Variants in TRIO observed in about 807,000 individuals in gnomAD.
TRIO encodes the protein triple functional domain protein.
In TRIO, 58 loss-of-function variants were observed where a neutral mutation model predicts 351.9. The ratio of observed to expected loss-of-function variants is 0.16; its 90% CI spans 0.13 to 0.21. The LOEUF is 0.21. Among genes scored for constraint, TRIO ranks in the 10% least tolerant of loss-of-function variants. TRIO has a pLI of 1.00. For synonymous variants in TRIO, 1,758 were observed against 1,595.7 expected (o/e 1.10, Z -2.42); for missense variants, 3,201 against 4,027.8 (o/e 0.79, Z 5.56).
chr5:14,410,961 C>T (rs1749149148), intron 33 of TRIO, among the ~76,000 whole-genome samples: 2 of 152,206 alleles, frequency 1.3e-5, no homozygotes, highest in African/African-American at 4.8e-5. Context: ...CTCCATGGTA[C>T]TTAACCTGAC....
chr5:14,487,901 G>C lies in TRIO; in HGVS notation c.7273G>C (p.Ala2425Pro). The C allele has an allele frequency of 1.3e-6, 2 of 1,535,020 alleles. No homozygotes were observed. Among genetic ancestry groups the C allele is most frequent in the Non-Finnish European group, 8.8e-7 (1 of 1,141,886 alleles). ...LESPRKGAAN[A>P]SGSSPDAPAK... is the part of the protein sequence containing the mutation. ...GAGCCCCAGGAAAGGCGCCGCGAAC[G>C]CCTCGGGGTCGAGCCCAGACGCCCC... The change falls in exon 48 of 57, where the codon GCC (alanine) becomes CCC (proline). Residue 2425 changes from alanine (A) to proline (P), a missense_variant. Ala to Pro is a conservative substitution (Grantham distance 27). Around this residue, in one of 19 missense-constraint regions of TRIO, gnomAD observed 1,089 missense variants for 954.9 expected, o/e 1.14. Transcript: ENST00000344204.
In TRIO at chr5:14,508,092, C is replaced by T. The variant is rs55898643; in HGVS notation, c.8964C>T (p.Gly2988=). 2.2e-5 allele frequency: 35 copies of T among 1,614,210 alleles called. No individual in the cohort carries two copies. The South Asian group carries it at 2.3e-4, about 11-fold the overall frequency. ...TGCTCACATACGTACTTCTTAGTGG[C>T]GTGTCCCCCTTCCTGGATGACAGTG... ...VGVLTYVLLS[G]VSPFLDDSVE... Residue 2988 remains glycine, a synonymous_variant, in exon 57 of 57, where the codon GGC becomes GGT. Coordinates refer to ENST00000344204, the MANE Select transcript of TRIO (RefSeq NM_007118.4).
chr5:14,248,833 A>G (rs746908778), intron 1 of TRIO, among the ~76,000 whole-genome samples: 6 of 152,204 alleles, frequency 3.9e-5, no homozygotes, highest in Non-Finnish European at 8.8e-5. Context: ...TGATCCCCAT[A>G]TTATGGGCAA....
At position 14,394,174 on chromosome 5, in the gene TRIO, G is replaced by A. The variant is rs256412; in HGVS notation, c.4311+44G>A. 350,814 of 1,271,002 alleles carry A rather than the reference G, an allele frequency of 0.28. 51,249 individuals carry two copies. The highest frequency in any genetic ancestry group is 0.41 in the African/African-American group (27,493 of 66,296). 78.7% of individuals were successfully genotyped at this position (1,271,002 alleles called of 1,614,324 possible). On this transcript the variant is annotated intron_variant, in intron 28 of 56. Transcript: ENST00000344204. The stretch of plus-strand genomic sequence containing the variant: ...CAGCCTGTGAAATTTTATGAATTAT[G>A]TATTATTTTGACATTTACTATATAT...
At chr5:14,476,461 A>C (rs1755082069) in intron 40 of TRIO, among the ~76,000 whole-genome samples, 1 of 152,164 alleles carries the variant, frequency 6.6e-6, no homozygotes, top group Admixed American at 6.5e-5. Flanking sequence ...TATATACTTC[A>C]CACTTCACAG....
At chr5:14,355,010 A>G (rs1288854445) in intron 11 of TRIO, among the ~76,000 whole-genome samples, 1 of 152,164 alleles carries the variant, frequency 6.6e-6, no homozygotes, top group Non-Finnish European at 1.5e-5. Flanking sequence ...CCGCTTTTTC[A>G]TCAGCGTCCA....
chr5:14,147,722 G>A lies in TRIO; in HGVS notation c.157+3840G>A, dbSNP rs138321710. ...TATTTTGATATGACGGTTTCCTTGT[G>A]GAGTATTGAGAGAAGCTTTTCTTCA... On this transcript the variant is annotated intron_variant, in intron 1 of 56. Transcript: ENST00000344204. Among the ~76,000 whole-genome samples the A allele has an allele frequency of 9.7e-3, 1,484 of 152,278 alleles. 29 individuals are homozygous for A. Among genetic ancestry groups the A allele is most frequent in the African/African-American group, 0.034 (1,430 of 41,552 alleles).
In TRIO at chr5:14,508,544, A is replaced by G; in HGVS notation, c.*122A>G. The G allele has an allele frequency of 4.7e-6, 6 of 1,274,284 alleles. No homozygotes were observed. Among genetic ancestry groups the G allele is most frequent in the African/African-American group, 1.5e-5 (1 of 66,844 alleles). The allele number at this position is 1,274,284 out of a possible 1,614,324, so 78.9% of individuals were successfully genotyped here. A position where few individuals can be genotyped will look rare whatever the true frequency, so the allele number is the denominator to read the frequency against. On this transcript the variant is annotated 3_prime_UTR_variant, in exon 57 of 57. Coordinates refer to ENST00000344204, the MANE Select transcript of TRIO (RefSeq NM_007118.4). ...CGGTATGTTCATCGTGTGAAATTGC[A>G]TTCCAAGTGAGCTGTGCTCAGCAGT...
At chr5:14,444,977 G>C (rs1427325835) in intron 34 of TRIO, among the ~76,000 whole-genome samples, 1 of 152,162 alleles carries the variant, frequency 6.6e-6, no homozygotes, top group Non-Finnish European at 1.5e-5. Context: ...CTTATTTCTA[G>C]ACAAGGAGCA....
intron 11 of TRIO, among the ~76,000 whole-genome samples, chr5:14,347,922 A>C (rs1218751113): frequency 3.9e-5 from 6 of 152,244 alleles, no homozygotes; most frequent in African/African-American, 1.4e-4. Context: ...GTTTTAATAT[A>C]TGAGTGTTTT....
At chr5:14,195,618 G>A (rs1329824965) in intron 1 of TRIO, among the ~76,000 whole-genome samples, 1 of 152,202 alleles carries the variant, frequency 6.6e-6, no homozygotes, top group Non-Finnish European at 1.5e-5. Flanking sequence ...CTAGTGTGGT[G>A]TTCGTCAAAT....
chr5:14,427,149 T>A (rs2083915061), intron 34 of TRIO, among the ~76,000 whole-genome samples: 1 of 152,108 alleles, frequency 6.6e-6, no homozygotes, highest in African/African-American at 2.4e-5. Flanking sequence ...TGACCGTGCC[T>A]ATGTGCCCCT....
chr5:14,336,395 C>A, intron 10 of TRIO, 141 bp from the exon 11 acceptor site: 1 of 836,866 alleles, frequency 1.2e-6, no homozygotes, highest in Non-Finnish European at 1.9e-6. Context: ...AATCATCTCT[C>A]CCCATCATAT....
chr5:14,205,890 AC>A (rs574471890), intron 1 of TRIO, among the ~76,000 whole-genome samples: 1 of 151,908 alleles, frequency 6.6e-6, no homozygotes, highest in African/African-American at 2.4e-5. Flanking sequence ...GTGCCACCAC[AC>A]CCGGCTAATT....
In TRIO at chr5:14,401,141, T is replaced by C; in HGVS notation, c.4716+77T>C. 3 of 1,214,764 alleles carry C rather than the reference T, an allele frequency of 2.5e-6. No homozygotes were observed. The Admixed American group carries it at 6.3e-5, about 26-fold the overall frequency. The allele number at this position is 1,214,764 out of a possible 1,614,324, so 75.2% of individuals were successfully genotyped here. On this transcript the variant is annotated intron_variant, in intron 31 of 56. Transcript: ENST00000344204. ...ATCCATGCTTGCTTTTCCGTTGTTT[T>C]CATATTATTATTATTTGTTGTTGTT...
chr5:14,301,500 C>G (rs1290531965), intron 7 of TRIO, among the ~76,000 whole-genome samples: 1 of 152,142 alleles, frequency 6.6e-6, no homozygotes, highest in Non-Finnish European at 1.5e-5. Flanking sequence ...GTCCTCATCT[C>G]CTAAGTGTCA....
At chr5:14,447,554 TG>T (rs1554080618) in intron 34 of TRIO, among the ~76,000 whole-genome samples, 1 of 152,250 alleles carries the variant, frequency 6.6e-6, no homozygotes, top group Non-Finnish European at 1.5e-5. Context: ...CCGTTTTGCC[TG>T]GGAGAGTCTT....
At chr5:14,377,516 C>T (rs2152350700) in intron 19 of TRIO, among the ~76,000 whole-genome samples, 1 of 152,272 alleles carries the variant, frequency 6.6e-6, no homozygotes, top group South Asian at 2.1e-4. Context: ...TCCCAAAGTA[C>T]TGGGATTACA....
intron 1 of TRIO, among the ~76,000 whole-genome samples, chr5:14,241,724 C>T (rs1193169093): frequency 6.6e-6 from 1 of 152,140 alleles, no homozygotes; most frequent in African/African-American, 2.4e-5. Flanking sequence ...GATTTGTTCA[C>T]TTTGGGTTCT....
Sources: gnomAD v4.1 joint callset for allele counts (sites outside exome capture counted in the v4.1 genomes callset) on GRCh38, gnomAD v4.1.1 for gene constraint, gnomAD v4.1.1 regional missense constraint, MANE v1.5 for transcripts, NCBI Gene and HGNC (gene_info 2026-07-23, HGNC 2026-07-21) for gene names.